Variants in UNC13C observed in about 807,000 individuals in gnomAD.
UNC13C encodes protein unc-13 homolog C.
In UNC13C, 174 loss-of-function variants were observed where a neutral mutation model predicts 245.4. That is an observed-to-expected ratio of 0.71 (90% confidence interval 0.63 to 0.80). UNC13C has a LOEUF of 0.80. Among genes scored for constraint, UNC13C ranks in the 30% least tolerant of loss-of-function variants. The probability of loss-of-function intolerance (pLI) is 0.00; values close to 1 mark genes in which losing one functional copy is unlikely to be tolerated. For synonymous variants in UNC13C, 992 were observed against 895.1 expected, an observed-to-expected ratio of 1.11 and a Z score of -1.93; for missense variants, 2,829 against 2,602.9, an observed-to-expected ratio of 1.09 and a Z score of -1.89.
chr15:54,250,256 C>T lies in UNC13C; in HGVS notation c.3260C>T (p.Ala1087Val), dbSNP rs1473830893. ...CACGTCTTCAAGAAGACCTTGCAGG[C>T]ACTGATCTACCCTATGTCTTCTACC... ...KMHVFKKTLQ[A>V]LIYPMSSTIP... The change falls in exon 8 of 33, where the codon GCA becomes GTA. Residue 1087 changes from alanine (A) to valine (V), a missense_variant. By Grantham distance (64) the Ala-to-Val change is moderately conservative. Coordinates refer to ENST00000260323, the MANE Select transcript of UNC13C (RefSeq NM_001080534.3). The T allele has an allele frequency of 6.2e-7, 1 of 1,613,990 alleles. No individual in the cohort carries two copies. Among genetic ancestry groups the T allele is most frequent in the Non-Finnish European group, 8.5e-7 (1 of 1,179,898 alleles).
At chr15:53,868,316 G>A in the UNC13C span, among the ~76,000 whole-genome samples, 20 of 152,268 alleles carry the variant, frequency 1.3e-4, no homozygotes, top group South Asian at 6.2e-4. Flanking sequence ...GGACTGATCC[G>A]CACAAAACCC....
intron 24 of UNC13C, among the ~76,000 whole-genome samples, chr15:54,519,549 C>A (rs1269257311): frequency 1.3e-5 from 2 of 151,912 alleles, no homozygotes. Flanking sequence ...TTTTTGAAAC[C>A]CAGAAGTTAG....
Position 54,555,495 on chromosome 15 carries a change from G to A in UNC13C, c.5941G>A (p.Val1981Ile). 1 of 1,611,802 alleles carries A rather than the reference G, an allele frequency of 6.2e-7. No homozygotes were observed. Among genetic ancestry groups the A allele is most frequent in the Non-Finnish European group, 8.5e-7 (1 of 1,178,730 alleles). ...TPRQCAIMEV[V>I]LATIKQYFHA... ...AAGACAATGCGCTATAATGGAGGTAGTCCTGGCTACCATCAAGGTGAGATT... is the reference window on the plus strand; with the variant it reads ...AAGACAATGCGCTATAATGGAGGTAATCCTGGCTACCATCAAGGTGAGATT... The change falls in exon 29 of 33, where the codon GTC becomes ATC. Residue 1981 changes from valine (V) to isoleucine (I), a missense_variant. By Grantham distance (29) the Val-to-Ile change is conservative. Coordinates refer to ENST00000260323, the MANE Select transcript of UNC13C (RefSeq NM_001080534.3).
At position 54,143,003 on chromosome 15, in the gene UNC13C, C is replaced by G; in HGVS notation, c.2984-15C>G. On this transcript the variant is annotated splice_polypyrimidine_tract_variant and intron_variant, in intron 2 of 32. Transcript: ENST00000260323. The stretch of plus-strand genomic sequence containing the variant: ...CATCTAACATTTATCCCTTCTTTTC[C>G]TGATTCTCTTTCAGATAGCAGTTCT... 1 of 1,610,876 alleles carries G rather than the reference C, an allele frequency of 6.2e-7. No homozygotes were observed. The highest frequency in any genetic ancestry group is 8.5e-7 in the Non-Finnish European group (1 of 1,178,282).
intron 10 of UNC13C, among the ~76,000 whole-genome samples, chr15:54,288,940 C>T (rs1376878623): frequency 5.3e-5 from 8 of 152,082 alleles, no homozygotes; most frequent in African/African-American, 1.9e-4. Flanking sequence ...GAATGCAACA[C>T]CTTTAATTTG....
chr15:54,261,386 A>G (rs2036419703), intron 8 of UNC13C, among the ~76,000 whole-genome samples: 1 of 152,240 alleles, frequency 6.6e-6, no homozygotes, highest in Non-Finnish European at 1.5e-5. Context: ...TGGGTTTGAT[A>G]AAGCATAGGG....
At chr15:54,184,537 G>A (rs2033908686) in intron 4 of UNC13C, among the ~76,000 whole-genome samples, 2 of 151,922 alleles carry the variant, frequency 1.3e-5, no homozygotes, top group African/African-American at 2.4e-5. Flanking sequence ...TTGTCCTTGC[G>A]ATAGTTTGCT....
At chr15:54,270,815 G>C (rs773160081) in intron 10 of UNC13C, among the ~76,000 whole-genome samples, 6 of 152,080 alleles carry the variant, frequency 3.9e-5, no homozygotes, top group Non-Finnish European at 8.8e-5. Flanking sequence ...CTACAAAGTA[G>C]TGCCCTGTTG....
intron 19 of UNC13C, among the ~76,000 whole-genome samples, chr15:54,462,264 T>C (rs116341190): frequency 4.3e-4 from 65 of 152,328 alleles, no homozygotes; most frequent in African/African-American, 1.5e-3. Context: ...TCTCAGTGGA[T>C]ATAAGAGGGA....
intron 2 of UNC13C, among the ~76,000 whole-genome samples, chr15:54,100,923 C>T (rs1900129892): frequency 6.6e-6 from 1 of 151,960 alleles, no homozygotes; most frequent in African/African-American, 2.4e-5. Flanking sequence ...AATACATTGA[C>T]TGAGGTATAA....
intron 4 of UNC13C, among the ~76,000 whole-genome samples, chr15:54,183,634 C>A (rs1414100614): frequency 6.6e-6 from 1 of 151,546 alleles, no homozygotes; most frequent in Non-Finnish European, 1.5e-5. Context: ...AACTGAAGGA[C>A]CATGGATTAT....
chr15:54,283,891 C>G (rs57108748), intron 10 of UNC13C, among the ~76,000 whole-genome samples: 2,739 of 152,200 alleles, frequency 0.018, 88 homozygotes, highest in African/African-American at 0.064. Context: ...TTTTTCTAAG[C>G]TAGTTCTATT....
At chr15:54,455,205 C>CTCTCTCTCTCTCTCTATA (rs1388065398) in intron 19 of UNC13C, among the ~76,000 whole-genome samples, 1 of 18,964 alleles carries the variant, frequency 5.3e-5, no homozygotes, top group Non-Finnish European at 9.2e-5. Flanking sequence ...CTCTCTCTCT[C>CTCTCTCTCTCTCTCTATA]TATATATATA....
At chr15:54,620,333 A>G (rs373480025) in intron 30 of UNC13C, among the ~76,000 whole-genome samples, 1 of 152,170 alleles carries the variant, frequency 6.6e-6, no homozygotes, top group African/African-American at 2.4e-5. Flanking sequence ...AAAAACTTAC[A>G]TTGTATACGT....
chr15:54,482,542 G>A (rs930675262), intron 19 of UNC13C, among the ~76,000 whole-genome samples: 2 of 149,150 alleles, frequency 1.3e-5, no homozygotes, highest in African/African-American at 5.0e-5. Context: ...ACTCTGAGCT[G>A]ATCCTGAGGG....
chr15:54,020,754 A>G (rs530140487), intron 2 of UNC13C, among the ~76,000 whole-genome samples: 3 of 152,294 alleles, frequency 2.0e-5, no homozygotes, highest in Admixed American at 2.0e-4. Context: ...ATCTGTATCA[A>G]AAGTCCTAGG....
chr15:54,521,205 T>C (rs62022402), intron 24 of UNC13C, among the ~76,000 whole-genome samples: 11,889 of 152,186 alleles, frequency 0.078, 568 homozygotes, highest in Admixed American at 0.13. Context: ...GTATGAAACC[T>C]ACCAGAATAA....
intron 18 of UNC13C, among the ~76,000 whole-genome samples, chr15:54,410,029 C>T (rs117922140): frequency 0.031 from 4,644 of 152,248 alleles, 189 homozygotes; most frequent in Admixed American, 0.12. Flanking sequence ...GCAACCTCAC[C>T]GGCATCTGTT....
intron 13 of UNC13C, among the ~76,000 whole-genome samples, chr15:54,300,756 G>A (rs1180563435): frequency 6.6e-6 from 1 of 152,180 alleles, no homozygotes; most frequent in Non-Finnish European, 1.5e-5. Flanking sequence ...AAGTTTGAGA[G>A]CCAGTGACTT....
Sources: allele counts gnomAD v4.1 joint callset (sites outside exome capture counted in the v4.1 genomes callset), GRCh38; gene constraint gnomAD v4.1.1; transcripts MANE v1.5; gene names NCBI Gene and HGNC (gene_info 2026-07-23, HGNC 2026-07-21).